The following KCNT2 variants were observed in gnomAD, a reference collection of about 807,000 sequenced individuals.
KCNT2 encodes potassium sodium-activated channel subfamily T member 2, also known as potassium channel subfamily T member 2.
A neutral mutation model predicts 153.8 loss-of-function variants in KCNT2; 67 were observed. The ratio of observed to expected loss-of-function variants is 0.44; its 90% CI spans 0.36 to 0.53. The LOEUF is 0.53. Ranked by LOEUF, KCNT2 falls within the 20% of genes least tolerant of loss-of-function variation. The probability of loss-of-function intolerance (pLI) is 0.00; values close to 1 mark genes in which losing one functional copy is unlikely to be tolerated. For missense variants in KCNT2, 975 were observed against 1,354.8 expected (o/e 0.72, Z 4.40); for synonymous variants, 500 against 458.8 (o/e 1.09, Z -1.15).
At chr1:196,355,287 C>T (rs1667083531) in intron 14 of KCNT2, among the ~76,000 whole-genome samples, 1 of 151,028 alleles carries the variant, frequency 6.6e-6, no homozygotes, top group Admixed American at 6.6e-5. Flanking sequence ...GCAGAACTGC[C>T]CCAACATTGT....
At chr1:196,465,456 T>G in intron 7 of KCNT2, 69 bp from the exon 8 acceptor site, 1 of 841,490 alleles carries the variant, frequency 1.2e-6, no homozygotes, top group Non-Finnish European at 2.1e-6. Flanking sequence ...TCATTACATT[T>G]ATTAGCATAC....
intron 26 of KCNT2, among the ~76,000 whole-genome samples, chr1:196,253,827 C>T (rs934115855): frequency 6.6e-6 from 1 of 151,518 alleles, no homozygotes. Context: ...AAAAAGTTCA[C>T]TCAACCAACT....
chr1:196,320,154 T>C (rs1221065179), intron 19 of KCNT2, among the ~76,000 whole-genome samples: 1 of 151,752 alleles, frequency 6.6e-6, no homozygotes, highest in Non-Finnish European at 1.5e-5. Context: ...TATATATTAT[T>C]GAGGAAACAT....
chr1:196,564,740 C>A (rs533127501), intron 1 of KCNT2, among the ~76,000 whole-genome samples: 1 of 151,802 alleles, frequency 6.6e-6, no homozygotes, highest in South Asian at 2.1e-4. Flanking sequence ...CAAGGACACA[C>A]AATGGAGAAA....
chr1:196,345,702 T>G (rs941477877), intron 14 of KCNT2, among the ~76,000 whole-genome samples: 5 of 152,118 alleles, frequency 3.3e-5, no homozygotes, highest in African/African-American at 1.2e-4. Context: ...ACCTAGATGA[T>G]AATGGTTTGG....
intron 14 of KCNT2, among the ~76,000 whole-genome samples, chr1:196,347,534 A>G (rs1335123435): frequency 1.3e-5 from 2 of 152,192 alleles, no homozygotes; most frequent in Non-Finnish European, 2.9e-5. Flanking sequence ...GCTTTCACAA[A>G]TCCTTTTACA....
At chr1:196,475,966 G>A (rs944275497) in intron 5 of KCNT2, among the ~76,000 whole-genome samples, 1 of 152,040 alleles carries the variant, frequency 6.6e-6, no homozygotes, top group Non-Finnish European at 1.5e-5. Context: ...TGCATGCTAG[G>A]TCTTACAATT....
chr1:196,294,158 C>A (rs150745192), intron 22 of KCNT2, among the ~76,000 whole-genome samples: 2 of 152,276 alleles, frequency 1.3e-5, no homozygotes, highest in East Asian at 3.9e-4. Context: ...TAAGATATCA[C>A]CTCATACCTG....
intron 1 of KCNT2, among the ~76,000 whole-genome samples, chr1:196,566,161 C>T (rs540976529): frequency 6.6e-6 from 1 of 151,922 alleles, no homozygotes; most frequent in Non-Finnish European, 1.5e-5. Flanking sequence ...CAGGAGATCA[C>T]TAAAGATCCT....
At chr1:196,244,718 C>A (rs77624313) in intron 26 of KCNT2, among the ~76,000 whole-genome samples, 26 of 152,276 alleles carry the variant, frequency 1.7e-4, no homozygotes, top group African/African-American at 6.3e-4. Context: ...AAGTTTCTGA[C>A]TCTAGGCCCT....
In KCNT2 at chr1:196,319,487, T is replaced by C; in HGVS notation, c.2345A>G (p.Asp782Gly). ...TGCCAAAGATTTTGTCACCTACTTG[T>C]CAATAGAGCCCACCATGTAGTAAAC... ...PMVYYMVGSI[D>G]NLDDLLRCGV... is the part of the protein sequence containing the mutation. Residue 782 changes from aspartate (D) to glycine (G), a missense_variant, in exon 20 of 28, where the codon GAC (aspartate) becomes GGC (glycine). Physicochemically the swap from Asp to Gly is moderately conservative, Grantham distance 94. Transcript: ENST00000294725. 6.2e-7 allele frequency: 1 copy of C among 1,608,938 alleles called. No individual in the cohort carries two copies. Among genetic ancestry groups the C allele is most frequent in the Non-Finnish European group, 8.5e-7 (1 of 1,176,422 alleles).
At chr1:196,494,993 G>T (rs934320896) in intron 1 of KCNT2, among the ~76,000 whole-genome samples, 1 of 151,482 alleles carries the variant, frequency 6.6e-6, no homozygotes, top group Non-Finnish European at 1.5e-5. Flanking sequence ...TTTCCTGAGA[G>T]CAAAGGCAAT....
chr1:196,565,111 A>G (rs1428480215), intron 1 of KCNT2, among the ~76,000 whole-genome samples: 1 of 151,568 alleles, frequency 6.6e-6, no homozygotes, highest in African/African-American at 2.4e-5. Flanking sequence ...AAAAAAACAA[A>G]TCAATAGCAA....
At chr1:196,434,521 C>T (rs1244557248) in intron 8 of KCNT2, among the ~76,000 whole-genome samples, 4 of 151,986 alleles carry the variant, frequency 2.6e-5, no homozygotes, top group Non-Finnish European at 5.9e-5. Context: ...TTAAACACAG[C>T]TCAACCTCAG....
intron 4 of KCNT2, among the ~76,000 whole-genome samples, chr1:196,480,630 C>A (rs868129127): frequency 2.6e-5 from 4 of 151,636 alleles, no homozygotes; most frequent in Non-Finnish European, 4.4e-5. Flanking sequence ...CCGAGGTGGG[C>A]GGATCACGAG....
In KCNT2 at chr1:196,519,189, A is replaced by G. The variant is rs185308645; in HGVS notation, c.96-26848T>C. ...ATGGAAATTAAATAACCTGCTCCTC[A>G]ATGACTTTGGAGTAAACAATGAAAT... On this transcript the variant is annotated intron_variant, in intron 1 of 27. Transcript: ENST00000294725. Among the ~76,000 whole-genome samples the G allele has an allele frequency of 1.9e-4, 29 of 152,310 alleles. 1 individual carries two copies. In the East Asian group the frequency reaches 5.0e-3, roughly 26 times the overall value.
At chr1:196,401,368 C>A (rs917452767) in intron 12 of KCNT2, among the ~76,000 whole-genome samples, 1 of 151,608 alleles carries the variant, frequency 6.6e-6, no homozygotes, top group Non-Finnish European at 1.5e-5. Context: ...AAAATGATAA[C>A]CAATAGATGG....
intron 12 of KCNT2, among the ~76,000 whole-genome samples, chr1:196,401,441 C>G (rs1179037406): frequency 6.6e-6 from 1 of 151,470 alleles, no homozygotes; most frequent in Non-Finnish European, 1.5e-5. Context: ...GCTACTAGAA[C>G]TATGATCAGT....
intron 1 of KCNT2, among the ~76,000 whole-genome samples, chr1:196,508,189 C>CAAAAAAAAAAAAAAAAAAAAAAAATAAA (rs10539910): frequency 1.5e-4 from 9 of 59,984 alleles, no homozygotes; most frequent in East Asian, 9.1e-4. Flanking sequence ...CCCTAAGTAG[C>CAAAAAAAAAAAAAAAAAAAAAAAATAAA]AAAAAAAAAA....
Sources: gnomAD v4.1 joint callset for allele counts (sites outside exome capture counted in the v4.1 genomes callset) on GRCh38, gnomAD v4.1.1 for gene constraint, MANE v1.5 for transcripts, NCBI Gene and HGNC (gene_info 2026-07-23, HGNC 2026-07-21) for gene names.